The following GABRB1 variants were observed in gnomAD, a reference collection of about 807,000 sequenced individuals.
GABRB1 encodes the protein gamma-aminobutyric acid type A receptor subunit beta1, also known as gamma-aminobutyric acid receptor subunit beta-1.
GABRB1 carries 17 observed loss-of-function variants against 51.6 expected under a neutral mutation model. The ratio of observed to expected loss-of-function variants is 0.33; its 90% confidence interval spans 0.23 to 0.49. The LOEUF (loss-of-function observed/expected upper bound fraction) is 0.49, where lower values mean the gene tolerates loss of function less well. Ranked by LOEUF, GABRB1 falls within the 20% of genes least tolerant of loss-of-function variation. The pLI is 0.99. For synonymous variants in GABRB1, 247 were observed against 218.9 expected (o/e 1.13, Z -1.14); for missense variants, 410 against 600.6 (o/e 0.68, Z 3.32).
intron 5 of GABRB1, among the ~76,000 whole-genome samples, chr4:47,369,112 T>A (rs1160581784): frequency 1.3e-5 from 2 of 149,856 alleles, no homozygotes; most frequent in South Asian, 2.1e-4. Context: ...CGTCTCAATT[T>A]AAAAAAATTT....
intron 4 of GABRB1, 101 bp downstream of exon 4, chr4:47,161,570 G>T: frequency 2.4e-6 from 2 of 846,822 alleles, no homozygotes; most frequent in Non-Finnish European, 3.7e-6. Context: ...ATATATAGAT[G>T]AATATATAAA....
At chr4:47,028,130 TTACAA>T (rs1289652595), upstream of GABRB1, among the ~76,000 whole-genome samples, 2 of 151,792 alleles carry the variant, frequency 1.3e-5, no homozygotes, top group African/African-American at 4.8e-5. Flanking sequence ...GCTTGAAACT[TTACAA>T]TATATTTATT....
In GABRB1 at chr4:47,425,880, C is replaced by T. The variant is rs140338802; in HGVS notation, c.1287C>T (p.Ile429=). The T allele has an allele frequency of 6.2e-6, 10 of 1,614,078 alleles. No homozygotes were observed. In the African/African-American group the frequency reaches 9.3e-5, roughly 15 times the overall value. The change falls in exon 9 of 9, where the codon ATC becomes ATT. Residue 429 remains isoleucine (I), a synonymous_variant. Transcript: ENST00000295454. ...DRHGVPSKGR[I]RRRASQLKVK... is the part of the protein sequence containing the mutation. Reference sequence around the variant, plus strand: ...ACGGGGTACCCAGCAAGGGGCGCATCCGCAGGCGTGCCTCCCAGCTCAAAG... The same window carrying T: ...ACGGGGTACCCAGCAAGGGGCGCATTCGCAGGCGTGCCTCCCAGCTCAAAG...
intron 3 of GABRB1, among the ~76,000 whole-genome samples, chr4:47,115,295 A>G (rs1055941014): frequency 3.9e-5 from 6 of 152,336 alleles, no homozygotes; most frequent in African/African-American, 7.2e-5. Flanking sequence ...CTTCACAAAT[A>G]TAAATAAAAA....
chr4:46,997,228 T>C (rs1322569699), intron 1 of GABRB1, among the ~76,000 whole-genome samples: 2 of 152,088 alleles, frequency 1.3e-5, no homozygotes, highest in African/African-American at 4.8e-5. Flanking sequence ...ACAAGATGTT[T>C]TGATATAAAT....
At chr4:47,406,557 A>T in intron 7 of GABRB1, 125 bp from the exon 8 acceptor site, 1 of 1,169,652 alleles carries the variant, frequency 8.5e-7, no homozygotes, top group African/African-American at 1.5e-5. Context: ...CCAATGGTTT[A>T]TCATGCTACT....
chr4:47,124,042 A>AAT (rs1293375127), intron 3 of GABRB1, among the ~76,000 whole-genome samples: 2 of 142,198 alleles, frequency 1.4e-5, no homozygotes, highest in African/African-American at 2.6e-5. Flanking sequence ...ACCTGAAAAA[A>AAT]ATATATATAT....
rs568899276 is a variant in GABRB1 at position 47,090,253 on chromosome 4, C to T, written c.240+57769C>T. On this transcript the variant is annotated intron_variant, in intron 3 of 8. Transcript: ENST00000295454. Reference sequence around the variant, plus strand: ...ATTAATTGTATGAAATAGAAAATGTCTAATGCAATCAATTGTAAGCAGCTT... The same window carrying T: ...ATTAATTGTATGAAATAGAAAATGTTTAATGCAATCAATTGTAAGCAGCTT... Among the ~76,000 whole-genome samples the T allele has an allele frequency of 5.9e-5, 9 of 152,300 alleles. No individual in the cohort carries two copies. The South Asian group carries it at 1.9e-3, about 32-fold the overall frequency.
chr4:47,289,922 A>G (rs7692788), intron 4 of GABRB1, among the ~76,000 whole-genome samples: 101,807 of 152,004 alleles, frequency 0.67, 34,600 homozygotes, highest in East Asian at 0.97. Context: ...GTGATTCAGG[A>G]CACTTCTAAG....
chr4:47,023,787 A>G (rs545674724), intron 1 of GABRB1, among the ~76,000 whole-genome samples: 23 of 152,044 alleles, frequency 1.5e-4, no homozygotes, highest in Non-Finnish European at 3.4e-4. Flanking sequence ...GCAGGTATAT[A>G]CACTTGCTGT....
intron 3 of GABRB1, among the ~76,000 whole-genome samples, chr4:47,127,152 A>C (rs1716183200): frequency 6.6e-6 from 1 of 151,896 alleles, no homozygotes. Flanking sequence ...TTTCCTAATT[A>C]TAGTATCTTT....
intron 5 of GABRB1, among the ~76,000 whole-genome samples, chr4:47,398,659 A>G (rs1042795296): frequency 1.3e-5 from 2 of 152,164 alleles, no homozygotes; most frequent in Non-Finnish European, 2.9e-5. Context: ...ATCTCTGCTC[A>G]CCGCAATCTC....
chr4:47,262,743 A>G (rs1281631513), intron 4 of GABRB1, among the ~76,000 whole-genome samples: 4 of 152,140 alleles, frequency 2.6e-5, no homozygotes, highest in Non-Finnish European at 5.9e-5. Context: ...ACACATGCAC[A>G]CATATGTTTA....
intron 5 of GABRB1, among the ~76,000 whole-genome samples, chr4:47,321,590 T>C (rs535428299): frequency 5.4e-5 from 5 of 93,256 alleles, no homozygotes; most frequent in East Asian, 3.8e-4. Flanking sequence ...ATTCAAATCA[T>C]AGGAATGAAC....
intron 4 of GABRB1, among the ~76,000 whole-genome samples, chr4:47,208,340 G>A (rs984042876): frequency 6.6e-6 from 1 of 152,006 alleles, no homozygotes; most frequent in African/African-American, 2.4e-5. Flanking sequence ...GAAGAGATGG[G>A]GAATGGGGAA....
intron 8 of GABRB1, among the ~76,000 whole-genome samples, chr4:47,409,737 T>A (rs1728701113): frequency 6.6e-6 from 1 of 152,326 alleles, no homozygotes; most frequent in Admixed American, 6.5e-5. Context: ...CTGTCTCCTG[T>A]CCATATCAAA....
At chr4:47,353,077 C>T (rs1480317185) in intron 5 of GABRB1, among the ~76,000 whole-genome samples, 2 of 152,114 alleles carry the variant, frequency 1.3e-5, no homozygotes, top group Non-Finnish European at 2.9e-5. Flanking sequence ...AAGGAAGATG[C>T]AAAAGCAGAA....
chr4:47,150,640 C>CAT (rs1332347651), intron 3 of GABRB1, among the ~76,000 whole-genome samples: 1 of 78,344 alleles, frequency 1.3e-5, no homozygotes, highest in African/African-American at 3.6e-5. Flanking sequence ...ACAAAAGCCA[C>CAT]ATATATATAC....
At chr4:47,214,245 A>G (rs1263151904) in intron 4 of GABRB1, among the ~76,000 whole-genome samples, 1 of 152,126 alleles carries the variant, frequency 6.6e-6, no homozygotes, top group African/African-American at 2.4e-5. Flanking sequence ...CCAGTCCTCA[A>G]TGTTTACCAC....
Sources: allele counts gnomAD v4.1 joint callset (sites outside exome capture counted in the v4.1 genomes callset), GRCh38; gene constraint gnomAD v4.1.1; transcripts MANE v1.5; gene names NCBI Gene and HGNC (gene_info 2026-07-23, HGNC 2026-07-21).